KDM3B: variants seen among roughly 807,000 people sequenced by gnomAD.
KDM3B encodes lysine demethylase 3B.
Under a neutral mutation model 170.0 loss-of-function variants are expected in KDM3B, and 10 were observed. The observed-to-expected ratio is 0.06, with a 90% CI of 0.04 to 0.10. The LOEUF is 0.10. KDM3B is among the 10% of genes least tolerant of loss of function. The pLI, the probability that KDM3B is intolerant of heterozygous loss-of-function variation, is 1.00. For missense variants in KDM3B, 1,394 were observed against 2,195.2 expected, an observed-to-expected ratio of 0.64 and a Z score of 7.29; for synonymous variants, 831 against 834.8, an observed-to-expected ratio of 1.00 and a Z score of 0.08.
At chr5:138,400,226 G>T (rs1200226690) in intron 11 of KDM3B, among the ~76,000 whole-genome samples, 1 of 149,912 alleles carries the variant, frequency 6.7e-6, no homozygotes, top group Non-Finnish European at 1.5e-5. Context: ...ATTTTTCCTT[G>T]GTTTTTTTTT....
chr5:138,396,231 G>T (rs1762542750), intron 9 of KDM3B, among the ~76,000 whole-genome samples: 2 of 152,034 alleles, frequency 1.3e-5, no homozygotes, highest in African/African-American at 4.8e-5. Context: ...GAGTAGCTGG[G>T]ACTACAGGTG....
At chr5:138,356,799 C>T (rs1018863912) in intron 1 of KDM3B, among the ~76,000 whole-genome samples, 52 of 151,570 alleles carry the variant, frequency 3.4e-4, no homozygotes, top group African/African-American at 1.2e-3. Context: ...TGTGCCACCA[C>T]GCCCAGGTAA....
chr5:138,406,210 G>C (rs1462160354), intron 11 of KDM3B, among the ~76,000 whole-genome samples: 2 of 152,068 alleles, frequency 1.3e-5, no homozygotes, highest in African/African-American at 4.8e-5. Flanking sequence ...GCTGGGCGTG[G>C]TGGCACACAC....
In KDM3B at chr5:138,386,578, T is replaced by C. The variant is rs758826247; in HGVS notation, c.1337T>C (p.Val446Ala). ...GACACTGGCCTTGCAGCAGGGACTG[T>C]GCCAGAAAAACAGAAAGGCAGCCGG... Reference protein sequence around the residue: ...ISDTGLAAGTVPEKQKGSRSQ... With the variant: ...ISDTGLAAGTAPEKQKGSRSQ... The change falls in exon 7 of 24, where the codon GTG becomes GCG. Residue 446 changes from valine to alanine, a missense_variant. This residue lies in a region of KDM3B where 205 missense variants were observed against 227.6 expected (regional missense o/e 0.90). Coordinates refer to ENST00000314358, the MANE Select transcript of KDM3B (RefSeq NM_016604.4). 1.2e-6 allele frequency: 2 copies of C among 1,613,576 alleles called. No homozygotes were observed. Among genetic ancestry groups the C allele is most frequent in the South Asian group, 1.1e-5 (1 of 91,076 alleles).
intron 14 of KDM3B, among the ~76,000 whole-genome samples, chr5:138,419,771 A>G (rs889740450): frequency 1.1e-4 from 16 of 148,250 alleles, no homozygotes; most frequent in African/African-American, 1.7e-4. Flanking sequence ...ACACACATAT[A>G]TATGAGGGAC....
At chr5:138,425,669 T>C in intron 17 of KDM3B, 87 bp downstream of exon 17, 1 of 1,184,292 alleles carries the variant, frequency 8.4e-7, no homozygotes, top group Admixed American at 2.3e-5. Context: ...TAATAAATTA[T>C]ATTCTGGGGC....
chr5:138,389,210 TAAAAGAA>T (rs926717372), intron 7 of KDM3B, among the ~76,000 whole-genome samples: 24 of 152,176 alleles, frequency 1.6e-4, no homozygotes, highest in Non-Finnish European at 2.9e-4. Flanking sequence ...AGTAGGAAGA[TAAAAGAA>T]AAAAGAAAAG....
chr5:138,378,802 G>GATAT (rs374288567), intron 4 of KDM3B, among the ~76,000 whole-genome samples: 2 of 143,168 alleles, frequency 1.4e-5, no homozygotes, highest in African/African-American at 5.0e-5. Context: ...TATATATCAT[G>GATAT]ATATATATAT....
At chr5:138,393,117 T>G in intron 8 of KDM3B, 54 bp from the exon 9 acceptor site, 2 of 1,518,892 alleles carry the variant, frequency 1.3e-6, no homozygotes, top group Non-Finnish European at 1.8e-6. Flanking sequence ...AATCATGCTA[T>G]TGGTTCCTGT....
chr5:138,430,785 G>T (rs1455207453), intron 22 of KDM3B, among the ~76,000 whole-genome samples: 37 of 152,136 alleles, frequency 2.4e-4, no homozygotes, highest in Admixed American at 2.4e-3. Context: ...AGCTACTCAG[G>T]AGGCTGAGGC....
chr5:138,419,664 A>T (rs1461368438), intron 14 of KDM3B, among the ~76,000 whole-genome samples: 70 of 117,344 alleles, frequency 6.0e-4, no homozygotes, highest in Non-Finnish European at 9.9e-4. Flanking sequence ...AAAAAAAAAA[A>T]AAAAATATAT....
intron 15 of KDM3B, among the ~76,000 whole-genome samples, chr5:138,421,747 A>G (rs959360960): frequency 1.3e-5 from 2 of 152,240 alleles, no homozygotes; most frequent in Non-Finnish European, 2.9e-5. Flanking sequence ...AAGTCAGATC[A>G]TATCTTAACC....
intron 17 of KDM3B, chr5:138,425,788 T>C (rs1763376944): frequency 2.2e-6 from 1 of 450,774 alleles, no homozygotes; most frequent in Non-Finnish European, 3.9e-6. Context: ...TGTGGATCAC[T>C]TGGGGTCAGG....
intron 8 of KDM3B, 112 bp downstream of exon 8, chr5:138,392,373 A>AT: frequency 7.1e-6 from 8 of 1,122,826 alleles, no homozygotes; most frequent in Non-Finnish European, 9.5e-6. Context: ...GTAATCTCAT[A>AT]GAATTACAGA....
intron 12 of KDM3B, 21 bp downstream of exon 12, chr5:138,415,260 G>A: frequency 6.6e-7 from 1 of 1,511,580 alleles, no homozygotes; most frequent in Non-Finnish European, 9.1e-7. Flanking sequence ...TCCTTTTTTA[G>A]ATTTGGTGGA....
chr5:138,431,591 C>T, intron 23 of KDM3B, 32 bp downstream of exon 23: 1 of 1,556,144 alleles, frequency 6.4e-7, no homozygotes, highest in East Asian at 2.3e-5. Flanking sequence ...CCCACTCTGT[C>T]TTCTCATTGC....
At chr5:138,432,788 G>A (rs72803896) in intron 23 of KDM3B, among the ~76,000 whole-genome samples, 6,278 of 152,094 alleles carry the variant, frequency 0.041, 179 homozygotes, top group South Asian at 0.11. Context: ...GATTGAAGAG[G>A]TTTTGGAGTG....
chr5:138,378,981 T>C (rs1176766421), intron 4 of KDM3B, among the ~76,000 whole-genome samples: 1 of 151,952 alleles, frequency 6.6e-6, no homozygotes, highest in Non-Finnish European at 1.5e-5. Flanking sequence ...CAGGGTAACA[T>C]TACCTGCTGA....
rs1761977047 is a variant in KDM3B at position 138,375,568 on chromosome 5, TG to T, written c.474+366del. Reference sequence around the variant, plus strand: ...TATTTTTTTGTATTTTTGGTAGAGATGGGGTTTCACCATGTTAGCCAGGATG... The same window carrying T: ...TATTTTTTTGTATTTTTGGTAGAGATGGGTTTCACCATGTTAGCCAGGATG... On this transcript the variant is annotated intron_variant, in intron 3 of 23. Transcript: ENST00000314358. 1.3e-5 allele frequency among the ~76,000 whole-genome samples: 2 copies of T among 151,632 alleles called. 1 individual carries two copies. Among genetic ancestry groups the T allele is most frequent in the South Asian group, 4.2e-4 (2 of 4,802 alleles).
Sources: gnomAD v4.1 joint callset for allele counts (sites outside exome capture counted in the v4.1 genomes callset) on GRCh38, gnomAD v4.1.1 for gene constraint, gnomAD v4.1.1 regional missense constraint, MANE v1.5 for transcripts, NCBI Gene and HGNC (gene_info 2026-07-23, HGNC 2026-07-21) for gene names.